Variants in FMR1NB observed in about 807,000 individuals in gnomAD.
FMR1NB encodes the protein FMR1 neighbor.
In FMR1NB, 10 loss-of-function variants were observed where a neutral mutation model predicts 16.8. The observed-to-expected ratio is 0.60, with a 90% CI of 0.37 to 1.01. FMR1NB has a LOEUF of 1.01. FMR1NB is among the 50% of genes least tolerant of loss of function. FMR1NB has a pLI of 0.01. For synonymous variants in FMR1NB, 83 were observed against 79.1 expected (o/e 1.05, Z -0.26); for missense variants, 205 against 204.8 (o/e 1.00, Z 0.00).
intron 2 of FMR1NB, among the ~76,000 whole-genome samples, chrX:148,003,758 T>G (rs2044582433): frequency 9.0e-6 from 1 of 111,673 alleles, no homozygotes; most frequent in Non-Finnish European, 1.9e-5. Context: ...TCTGTTTTAA[T>G]GATAGAAATC....
intron 1 of FMR1NB, among the ~76,000 whole-genome samples, chrX:147,999,108 A>C (rs1332694180): frequency 1.8e-5 from 2 of 111,924 alleles, no homozygotes; most frequent in Non-Finnish European, 3.8e-5. Context: ...CTTGTGTTTC[A>C]TGTCAAGCCA....
At chrX:147,985,264 C>T (rs782099309) in intron 1 of FMR1NB, among the ~76,000 whole-genome samples, 1 of 111,594 alleles carries the variant, frequency 9.0e-6, no homozygotes, top group East Asian at 2.8e-4. Context: ...GTAGAAATTA[C>T]CAGTGAAGCC....
chrX:147,992,848 C>T (rs1340902241), intron 1 of FMR1NB, among the ~76,000 whole-genome samples: 2 of 84,203 alleles, frequency 2.4e-5, no homozygotes, highest in Non-Finnish European at 4.4e-5. Flanking sequence ...TCCTCACTTC[C>T]TAGATGTGAT....
intron 1 of FMR1NB, among the ~76,000 whole-genome samples, chrX:147,994,293 A>G (rs1203868166): frequency 8.9e-6 from 1 of 112,380 alleles, no homozygotes. Flanking sequence ...AGAGACTTCT[A>G]TACACTATGT....
At chrX:147,992,901 C>T (rs1181490723) in intron 1 of FMR1NB, among the ~76,000 whole-genome samples, 1 of 96,544 alleles carries the variant, frequency 1.0e-5, no homozygotes, top group Non-Finnish European at 2.0e-5. Context: ...GATGGGATGG[C>T]GGCCGGGCGG....
At chrX:148,014,256 T>G (rs1186648706) in intron 4 of FMR1NB, among the ~76,000 whole-genome samples, 1 of 111,112 alleles carries the variant, frequency 9.0e-6, no homozygotes, top group Non-Finnish European at 1.9e-5. Flanking sequence ...TCCTGGTACT[T>G]AAATAGGAAT....
At position 148,025,049 on chromosome X, in the gene FMR1NB, A is replaced by G. The variant is rs782756792; in HGVS notation, c.*13+36A>G. On this transcript the variant is annotated intron_variant, in intron 5 of 5. Coordinates refer to ENST00000370467, the MANE Select transcript of FMR1NB (RefSeq NM_152578.3). Reference sequence around the variant, plus strand: ...ATAGGATATAAAGTTGAAGTGCTCAATCTCTGATTCTTGTTAGCTTTATAT... The same window carrying G: ...ATAGGATATAAAGTTGAAGTGCTCAGTCTCTGATTCTTGTTAGCTTTATAT... The G allele has an allele frequency of 5.1e-6, 6 of 1,165,895 alleles. No homozygotes were observed. In the Admixed American group the frequency reaches 6.9e-5, roughly 13 times the overall value.
At chrX:148,011,263 C>CA (rs1264352470) in intron 4 of FMR1NB, among the ~76,000 whole-genome samples, 9 of 98,554 alleles carry the variant, frequency 9.1e-5, no homozygotes, top group South Asian at 9.0e-4. Context: ...GACTCCATCT[C>CA]AAAAAAAACA....
chrX:147,987,908 T>C (rs2044485168), intron 1 of FMR1NB, among the ~76,000 whole-genome samples: 1 of 111,097 alleles, frequency 9.0e-6, no homozygotes, highest in Non-Finnish European at 1.9e-5. Flanking sequence ...ACTGTGTATG[T>C]CTTTGCATGT....
rs148375379 is a variant in FMR1NB, at chrX:147,987,505, A to G, written c.277+5826A>G. Among the ~76,000 whole-genome samples, 407 of 111,537 alleles carry G rather than the reference A, an allele frequency of 3.6e-3. 1 individual carries two copies. The highest frequency in any genetic ancestry group is 0.013 in the African/African-American group (392 of 30,680). On this transcript the variant is annotated intron_variant, in intron 1 of 5. Coordinates refer to ENST00000370467, the MANE Select transcript of FMR1NB (RefSeq NM_152578.3). ...TATTTTGTGATGCTGAGAAGAATGT[A>G]TATTCTGTTGATTTGGGGTAGAGTC... is the stretch of plus-strand genomic sequence containing the variant.
chrX:148,002,527 T>C (rs1175651431), intron 1 of FMR1NB, among the ~76,000 whole-genome samples: 1 of 112,240 alleles, frequency 8.9e-6, no homozygotes, highest in African/African-American at 3.2e-5. Flanking sequence ...CTAACGATAA[T>C]GTAATGATAA....
intron 2 of FMR1NB, among the ~76,000 whole-genome samples, chrX:148,004,915 G>A (rs1335484102): frequency 8.9e-6 from 1 of 112,449 alleles, no homozygotes; most frequent in Non-Finnish European, 1.9e-5. Flanking sequence ...TTTTGAGACA[G>A]AGTCTCGCTC....
rs111613160 is a variant in FMR1NB, at chrX:148,022,290, C to G, written c.633-2575C>G. On this transcript the variant is annotated intron_variant, in intron 4 of 5. Coordinates refer to ENST00000370467, the MANE Select transcript of FMR1NB (RefSeq NM_152578.3). ...GGTCACCTCTTCTAGGAAGCTTACTCCAAACCTCCTGCACACATTGGGTCA... is the reference window on the plus strand; with the variant it reads ...GGTCACCTCTTCTAGGAAGCTTACTGCAAACCTCCTGCACACATTGGGTCA... Among the ~76,000 whole-genome samples the G allele has an allele frequency of 5.0e-3, 559 of 111,792 alleles. 1 individual carries two copies. The highest frequency in any genetic ancestry group is 0.016 in the African/African-American group (489 of 30,784).
At chrX:148,001,897 TTAAGTA>T (rs1390406137) in intron 1 of FMR1NB, among the ~76,000 whole-genome samples, 12 of 111,692 alleles carry the variant, frequency 1.1e-4, no homozygotes, top group African/African-American at 3.6e-4. Context: ...TGATGTTATC[TTAAGTA>T]TAACAGAAAA....
rs782016992 is a variant in FMR1NB at position 148,022,383 on chromosome X, T to C, written c.633-2482T>C. Among the ~76,000 whole-genome samples the C allele has an allele frequency of 5.4e-5, 6 of 111,971 alleles. No homozygotes were observed. In the Admixed American group the frequency reaches 5.7e-4, roughly 11 times the overall value. The stretch of plus-strand genomic sequence containing the variant: ...ACTTGAACTCATCTCAACATAATAT[T>C]GTTAGTCTGTATATCTACTTTCCCT... On this transcript the variant is annotated intron_variant, in intron 4 of 5. Transcript: ENST00000370467.
rs782473712 is a variant in FMR1NB, at chrX:148,008,932, C to A, written c.632+221C>A. Among the ~76,000 whole-genome samples, 11 of 111,735 alleles carry A rather than the reference C, an allele frequency of 9.8e-5. No individual in the cohort carries two copies. The South Asian group carries it at 4.1e-3, about 42-fold the overall frequency. ...CGGTGGCTCACGCCTGTAATCCCAG[C>A]ACTTTGGGAGGCCGAGGCGGGTGGA... is the stretch of plus-strand genomic sequence containing the variant. On this transcript the variant is annotated intron_variant, in intron 4 of 5. Coordinates refer to ENST00000370467, the MANE Select transcript of FMR1NB (RefSeq NM_152578.3).
At chrX:148,024,670 T>A (rs1054687307) in intron 4 of FMR1NB, among the ~76,000 whole-genome samples, 195 bp from the exon 5 acceptor site, 2 of 111,920 alleles carry the variant, frequency 1.8e-5, no homozygotes, top group African/African-American at 6.5e-5. Flanking sequence ...TAGAGAATAA[T>A]AATGATGGTT....
rs1290608529 is a variant in FMR1NB, at chrX:148,017,039, G to A, written c.633-7826G>A. Among the ~76,000 whole-genome samples, 9 of 111,287 alleles carry A rather than the reference G, an allele frequency of 8.1e-5. No homozygotes were observed. The Admixed American group carries it at 8.7e-4, about 11-fold the overall frequency. ...TCAATGTAGCATTTTGTGTAGGACA[G>A]ATCTGGTATTGATGAAATCCCCCAG... On this transcript the variant is annotated intron_variant, in intron 4 of 5. Coordinates refer to ENST00000370467, the MANE Select transcript of FMR1NB (RefSeq NM_152578.3).
chrX:147,991,540 C>T (rs1288091674), intron 1 of FMR1NB, among the ~76,000 whole-genome samples: 1 of 110,034 alleles, frequency 9.1e-6, no homozygotes, highest in Non-Finnish European at 1.9e-5. Context: ...ACTTCCTTCC[C>T]TGCTCAAAGG....
Sources: allele counts gnomAD v4.1 joint callset (sites outside exome capture counted in the v4.1 genomes callset), GRCh38; gene constraint gnomAD v4.1.1; transcripts MANE v1.5; gene names NCBI Gene and HGNC (gene_info 2026-07-23, HGNC 2026-07-21).